KDM4B: variants seen among roughly 807,000 people sequenced by gnomAD.
The protein encoded by KDM4B is lysine demethylase 4B.
In KDM4B, 32 loss-of-function variants were observed where a neutral mutation model predicts 125.2. The observed-to-expected ratio is 0.26, with a 90% CI of 0.19 to 0.34. The LOEUF (loss-of-function observed/expected upper bound fraction) is 0.34. Among genes scored for constraint, KDM4B ranks in the 10% least tolerant of loss-of-function variants. The pLI is 1.00. For missense variants in KDM4B, 1,190 were observed against 1,577.7 expected (o/e 0.75, Z 4.16); for synonymous variants, 721 against 677.9 (o/e 1.06, Z -0.99).
In KDM4B at chr19:5,133,981, G is replaced by T; in HGVS notation, c.2005G>T (p.Ala669Ser). 1 of 1,612,602 alleles carries T rather than the reference G, an allele frequency of 6.2e-7. No individual in the cohort carries two copies. Among genetic ancestry groups the T allele is most frequent in the Non-Finnish European group, 8.5e-7 (1 of 1,179,914 alleles). ...QWKNRAASFQ[A>S]ERKFNAAAAR... ...GAAGAACAGGGCGGCCAGCTTCCAG[G>T]CCGAGAGGAAGTTCAACGCAGCGGC... The change falls in exon 14 of 23, where the codon GCC (alanine) becomes TCC (serine). Residue 669 changes from alanine to serine, a missense_variant. By Grantham distance (99) the Ala-to-Ser change is moderately conservative (BLOSUM62 1). This residue lies in a region of KDM4B where 128 missense variants were observed against 137.8 expected (regional missense o/e 0.93). Transcript: ENST00000159111.
intron 1 of KDM4B, among the ~76,000 whole-genome samples, chr19:4,986,140 C>T (rs534280049): frequency 4.6e-5 from 7 of 152,184 alleles, no homozygotes; most frequent in South Asian, 4.1e-4. Context: ...TCTGACCTGC[C>T]GTGGGGGCTG....
At chr19:5,042,370 T>G (rs1015777594) in intron 5 of KDM4B, among the ~76,000 whole-genome samples, 6 of 151,994 alleles carry the variant, frequency 3.9e-5, no homozygotes, top group Admixed American at 3.3e-4. Flanking sequence ...CATGGTGGTG[T>G]GTGCCTGTAA....
intron 9 of KDM4B, among the ~76,000 whole-genome samples, chr19:5,110,040 C>A (rs1320384482): frequency 1.3e-5 from 2 of 152,210 alleles, no homozygotes; most frequent in Non-Finnish European, 2.9e-5. Context: ...AGTGCCCAGT[C>A]CTGAACCTCA....
At chr19:5,039,571 G>A (rs1490413180) in intron 3 of KDM4B, among the ~76,000 whole-genome samples, 1 of 152,236 alleles carries the variant, frequency 6.6e-6, no homozygotes, top group African/African-American at 2.4e-5. Flanking sequence ...ACGTGTCAGG[G>A]TTGGCCCTGG....
Position 5,041,122 on chromosome 19 carries a change from G to T in KDM4B, c.318-15G>T, listed in dbSNP as rs2036802098. 5 of 1,574,464 alleles carry T rather than the reference G, an allele frequency of 3.2e-6. No individual in the cohort carries two copies. The East Asian group carries it at 1.1e-4, about 35-fold the overall frequency. On this transcript the variant is annotated splice_polypyrimidine_tract_variant and intron_variant, in intron 4 of 22. Coordinates refer to ENST00000159111, the MANE Select transcript of KDM4B (RefSeq NM_015015.3). ...GGCCTCACCCTGAGCTGGTTTTGGG[G>T]TGTTTGTTCACCAGGTACTGTACCC...
At chr19:5,137,585 G>A (rs367641538) in intron 16 of KDM4B, 36 bp from the exon 17 acceptor site, 17 of 1,585,444 alleles carry the variant, frequency 1.1e-5, no homozygotes, top group East Asian at 2.3e-5. Context: ...AGCCTGCTCC[G>A]AGCCCTGCTC....
At chr19:4,996,624 C>A (rs760448658) in intron 1 of KDM4B, among the ~76,000 whole-genome samples, 1 of 152,054 alleles carries the variant, frequency 6.6e-6, no homozygotes, top group South Asian at 2.1e-4. Context: ...TCAGCTGTCC[C>A]CTGAGGTGGT....
intron 2 of KDM4B, among the ~76,000 whole-genome samples, chr19:5,026,524 T>C (rs1220980246): frequency 6.6e-6 from 1 of 152,030 alleles, no homozygotes; most frequent in Non-Finnish European, 1.5e-5. Flanking sequence ...TCTGTGACGT[T>C]GTTAATTAGT....
intron 1 of KDM4B, among the ~76,000 whole-genome samples, chr19:4,978,741 G>A (rs976814990): frequency 2.6e-5 from 4 of 152,088 alleles, no homozygotes; most frequent in Non-Finnish European, 5.9e-5. Flanking sequence ...TCAGGGGCGC[G>A]GGAGGAGGGA....
In KDM4B at chr19:5,047,378, C is replaced by T. The variant is rs542196007; in HGVS notation, c.433-98C>T. ...TACTGGGGTGGAGGAGGATGGGCAG[C>T]GACCCCTGGGACTCTGGGGAGAATT... On this transcript the variant is annotated intron_variant, in intron 5 of 22. Transcript: ENST00000159111. 46 of 1,166,636 alleles carry T rather than the reference C, an allele frequency of 3.9e-5. No homozygotes were observed. The South Asian group carries it at 5.4e-4, about 14-fold the overall frequency. The allele number at this position is 1,166,636 out of a possible 1,614,324, so 72.3% of individuals were successfully genotyped here.
Position 5,016,817 on chromosome 19 carries a change from C to T in KDM4B, c.-26+478C>T, listed in dbSNP as rs564093371. ...AGGTAGTTCCATGGCCCAGCCGCCC[C>T]GGGTTTAGTTCCTTTTCTTGTGCCT... On this transcript the variant is annotated intron_variant, in intron 2 of 22. Coordinates refer to ENST00000159111, the MANE Select transcript of KDM4B (RefSeq NM_015015.3). Among the ~76,000 whole-genome samples the T allele has an allele frequency of 5.9e-5, 9 of 152,314 alleles. No individual in the cohort carries two copies. In the South Asian group the frequency reaches 8.3e-4, roughly 14 times the overall value.
intron 5 of KDM4B, among the ~76,000 whole-genome samples, chr19:5,043,187 G>C (rs748125242): frequency 1.3e-5 from 2 of 149,508 alleles, no homozygotes; most frequent in African/African-American, 2.5e-5. Context: ...CTTATCCCGC[G>C]TGGTGTTTAT....
intron 9 of KDM4B, among the ~76,000 whole-genome samples, chr19:5,093,793 A>G (rs1367901259): frequency 6.6e-6 from 1 of 152,174 alleles, no homozygotes; most frequent in Non-Finnish European, 1.5e-5. Flanking sequence ...GCTGCTGGGA[A>G]GGCAGTGGAT....
intron 15 of KDM4B, 85 bp from the exon 16 acceptor site, chr19:5,137,177 T>A (rs748139159): frequency 2.2e-6 from 2 of 916,510 alleles, no homozygotes; most frequent in Non-Finnish European, 3.5e-6. Context: ...GCCCCCAAGT[T>A]ACCCGGCCCC....
At chr19:5,027,704 C>A (rs886281164) in intron 2 of KDM4B, among the ~76,000 whole-genome samples, 1 of 152,064 alleles carries the variant, frequency 6.6e-6, no homozygotes, top group African/African-American at 2.4e-5. Context: ...CCACACCCGG[C>A]TAATTTTCAT....
intron 6 of KDM4B, among the ~76,000 whole-genome samples, chr19:5,055,661 C>T (rs1250127899): frequency 6.6e-6 from 1 of 152,118 alleles, no homozygotes; most frequent in South Asian, 2.1e-4. Context: ...GGGTGGTGGC[C>T]GTGATGGGGA....
intron 15 of KDM4B, among the ~76,000 whole-genome samples, chr19:5,136,183 C>A (rs376274219): frequency 6.6e-6 from 1 of 152,176 alleles, no homozygotes; most frequent in Non-Finnish European, 1.5e-5. Flanking sequence ...CTCAGGCAGC[C>A]GCTACGCCTG....
rs1338017095 is a variant in KDM4B, at chr19:4,997,016, G to A, written c.-108-19241G>A. Among the ~76,000 whole-genome samples the A allele has an allele frequency of 6.6e-6, 1 of 152,028 alleles. No individual in the cohort carries two copies. The highest frequency in any genetic ancestry group is 1.5e-5 in the Non-Finnish European group (1 of 68,000). On this transcript the variant is annotated intron_variant, in intron 1 of 22. Coordinates refer to ENST00000159111, the MANE Select transcript of KDM4B (RefSeq NM_015015.3). The surrounding 1 kb of genome is among the most constrained non-coding windows in gnomAD (Gnocchi z 4.2). Reference sequence around the variant, plus strand: ...CCCTGTGGGCACAGCTGCATGGTTGGGCAGTGTGGGTCTGGGTGAGTGGGT... The same window carrying A: ...CCCTGTGGGCACAGCTGCATGGTTGAGCAGTGTGGGTCTGGGTGAGTGGGT...
At chr19:5,041,517 C>A (rs946138022) in intron 5 of KDM4B, among the ~76,000 whole-genome samples, 2 of 152,206 alleles carry the variant, frequency 1.3e-5, no homozygotes, top group East Asian at 3.9e-4. Context: ...CAGCAGCCGG[C>A]CCACAGCGTG....
Sources: allele counts gnomAD v4.1 joint callset (sites outside exome capture counted in the v4.1 genomes callset), GRCh38; gene constraint gnomAD v4.1.1; regional missense constraint gnomAD v4.1.1; non-coding constraint Gnocchi (gnomAD v3.1); transcripts MANE v1.5; gene names NCBI Gene and HGNC (gene_info 2026-07-23, HGNC 2026-07-21).